AGBL4: variants seen among roughly 807,000 people sequenced by gnomAD.
AGBL4 encodes cytosolic carboxypeptidase 6.
AGBL4 carries 58 observed loss-of-function variants against 66.4 expected under a neutral mutation model. The ratio of observed to expected loss-of-function variants is 0.87; its 90% CI spans 0.71 to 1.09. AGBL4 has a LOEUF of 1.09. Ranked by LOEUF, AGBL4 falls within the 50% of genes least tolerant of loss-of-function variation. AGBL4 has a pLI of 0.00. For synonymous variants in AGBL4, 234 were observed against 222.9 expected (o/e 1.05, Z -0.44); for missense variants, 579 against 631.0 (o/e 0.92, Z 0.88).
intron 3 of AGBL4, among the ~76,000 whole-genome samples, chr1:49,348,383 C>T (rs1286082122): frequency 2.6e-5 from 4 of 151,304 alleles, no homozygotes; most frequent in East Asian, 3.9e-4. Flanking sequence ...ATCGCGCCAC[C>T]GCATTCCAGC....
At chr1:49,392,092 T>C (rs1181898023) in intron 3 of AGBL4, among the ~76,000 whole-genome samples, 1 of 152,308 alleles carries the variant, frequency 6.6e-6, no homozygotes, top group East Asian at 1.9e-4. Context: ...GCTATAGATC[T>C]GTCTGTCCAA....
chr1:49,864,271 T>C (rs1207402818), intron 1 of AGBL4, among the ~76,000 whole-genome samples: 8 of 152,076 alleles, frequency 5.3e-5, no homozygotes, highest in Non-Finnish European at 1.2e-4. Context: ...GAAAGGATAG[T>C]CAGTGGCTGA....
chr1:49,156,405 C>G (rs1646430435), intron 4 of AGBL4, among the ~76,000 whole-genome samples: 1 of 152,174 alleles, frequency 6.6e-6, no homozygotes, highest in Non-Finnish European at 1.5e-5. Context: ...TGGCTTAAGA[C>G]AGCAAACATT....
At chr1:48,633,202 C>T (rs1645618694) in intron 9 of AGBL4, among the ~76,000 whole-genome samples, 1 of 152,152 alleles carries the variant, frequency 6.6e-6, no homozygotes, top group African/African-American at 2.4e-5. Flanking sequence ...GTTTCATAGC[C>T]AAGAAAACTA....
chr1:49,948,169 AATAT>A (rs1220382869), intron 1 of AGBL4, among the ~76,000 whole-genome samples: 1 of 102,358 alleles, frequency 9.8e-6, no homozygotes, highest in Non-Finnish European at 1.7e-5. Context: ...TAAATATATA[AATAT>A]ATATAACTAT....
chr1:49,283,677 A>G (rs1396383727), intron 3 of AGBL4, among the ~76,000 whole-genome samples: 1 of 151,328 alleles, frequency 6.6e-6, no homozygotes, highest in African/African-American at 2.4e-5. Flanking sequence ...TGCTTAAAGG[A>G]GCTGATGGAG....
intron 3 of AGBL4, among the ~76,000 whole-genome samples, chr1:49,643,394 A>G (rs1645822909): frequency 6.6e-6 from 1 of 151,778 alleles, no homozygotes; most frequent in South Asian, 2.1e-4. Flanking sequence ...CACAAAGGAA[A>G]TGGAAGAGAG....
At chr1:49,221,199 A>G (rs2148276926) in intron 4 of AGBL4, among the ~76,000 whole-genome samples, 1 of 152,244 alleles carries the variant, frequency 6.6e-6, no homozygotes, top group East Asian at 1.9e-4. Context: ...TTTGTGAAAG[A>G]TTTTTGTTTC....
intron 3 of AGBL4, among the ~76,000 whole-genome samples, chr1:49,569,033 G>A (rs1370400190): frequency 6.6e-6 from 1 of 152,174 alleles, no homozygotes; most frequent in Non-Finnish European, 1.5e-5. Flanking sequence ...AGACACAATG[G>A]AGTACTATTC....
intron 3 of AGBL4, among the ~76,000 whole-genome samples, chr1:49,247,245 T>C (rs996451241): frequency 6.6e-6 from 1 of 152,152 alleles, no homozygotes; most frequent in Non-Finnish European, 1.5e-5. Flanking sequence ...AATTTTGTTT[T>C]GTTAAAAAGA....
At chr1:48,807,861 CAG>C (rs1234494441) in intron 6 of AGBL4, among the ~76,000 whole-genome samples, 1 of 152,070 alleles carries the variant, frequency 6.6e-6, no homozygotes, top group Non-Finnish European at 1.5e-5. Context: ...GGAACTCAGC[CAG>C]AGACTGGGCT....
chr1:48,796,432 G>A (rs1004291117), intron 6 of AGBL4, among the ~76,000 whole-genome samples: 2 of 152,170 alleles, frequency 1.3e-5, no homozygotes, highest in Non-Finnish European at 2.9e-5. Context: ...CATAAAAACT[G>A]ATGAATCTAG....
intron 2 of AGBL4, among the ~76,000 whole-genome samples, chr1:49,764,276 C>T (rs1013263161): frequency 9.9e-5 from 15 of 152,138 alleles, no homozygotes; most frequent in Non-Finnish European, 2.2e-4. Flanking sequence ...ATGTACCCCA[C>T]AGCCACCAGT....
chr1:49,632,596 T>G (rs1239348724), intron 3 of AGBL4, among the ~76,000 whole-genome samples: 4 of 152,102 alleles, frequency 2.6e-5, no homozygotes, highest in African/African-American at 7.2e-5. Flanking sequence ...GACATCATCT[T>G]TAGCTCTCCC....
At chr1:48,705,049 G>A (rs948185850) in intron 6 of AGBL4, among the ~76,000 whole-genome samples, 1 of 152,244 alleles carries the variant, frequency 6.6e-6, no homozygotes, top group East Asian at 1.9e-4. Context: ...GAATTTTTCA[G>A]CTCCATTATA....
intron 5 of AGBL4, among the ~76,000 whole-genome samples, chr1:48,900,641 T>C (rs1362363767): frequency 6.6e-6 from 1 of 152,132 alleles, no homozygotes; most frequent in Non-Finnish European, 1.5e-5. Flanking sequence ...AAAAAAACAG[T>C]TTTTTCAACA....
At chr1:48,564,370 T>C (rs2148303300) in intron 11 of AGBL4, among the ~76,000 whole-genome samples, 1 of 152,108 alleles carries the variant, frequency 6.6e-6, no homozygotes, top group African/African-American at 2.4e-5. Flanking sequence ...AGGCTCCTGC[T>C]GCCTTCTCCT....
chr1:49,619,183 C>T (rs756346062), intron 3 of AGBL4, among the ~76,000 whole-genome samples: 3 of 152,184 alleles, frequency 2.0e-5, no homozygotes, highest in Admixed American at 1.3e-4. Flanking sequence ...CAAATTGTCT[C>T]TGTTTGCAGA....
rs1406716777 is a variant in AGBL4 at position 48,923,199 on chromosome 1, G to A, written c.595-55969C>T. Among the ~76,000 whole-genome samples the A allele has an allele frequency of 3.3e-5, 5 of 152,198 alleles. No homozygotes were observed. In the East Asian group the frequency reaches 9.6e-4, roughly 29 times the overall value. ...TCCATTTTATGGATAAATAAATTGA[G>A]CCTCCAAGAGATTAAGTGACTATTC... is the stretch of plus-strand genomic sequence containing the variant. On this transcript the variant is annotated intron_variant, in intron 5 of 13. Transcript: ENST00000371839.
Sources: gnomAD v4.1 joint callset for allele counts (sites outside exome capture counted in the v4.1 genomes callset) on GRCh38, gnomAD v4.1.1 for gene constraint, MANE v1.5 for transcripts, NCBI Gene and HGNC (gene_info 2026-07-23, HGNC 2026-07-21) for gene names.